Variants in FAAH2 observed in about 807,000 individuals in gnomAD.
The protein encoded by FAAH2 is fatty-acid amide hydrolase 2.
In FAAH2, 60 loss-of-function variants were observed where a neutral mutation model predicts 36.9. The ratio of observed to expected loss-of-function variants is 1.63; its 90% confidence interval spans 1.32 to 2.02. The LOEUF is 2.02. Ranked by LOEUF, FAAH2 falls within the 30% of genes most tolerant of loss-of-function variation. The pLI is 0.00. For missense variants in FAAH2, 689 were observed against 397.5 expected (o/e 1.73, Z -6.23); for synonymous variants, 214 against 143.8 (o/e 1.49, Z -3.49).
chrX:57,417,330 C>T (rs745861568), intron 7 of FAAH2, among the ~76,000 whole-genome samples: 1 of 112,095 alleles, frequency 8.9e-6, no homozygotes, highest in African/African-American at 3.2e-5. Flanking sequence ...AATTTTCAGG[C>T]TCTTTGTGCT....
chrX:57,162,342 G>A, the FAAH2 span, among the ~76,000 whole-genome samples: 3 of 110,923 alleles, frequency 2.7e-5, no homozygotes, highest in African/African-American at 9.8e-5. Context: ...ATGTTTCTTG[G>A]AGTTGCTCTT....
chrX:57,234,979 A>T, the FAAH2 span, among the ~76,000 whole-genome samples: 2 of 111,588 alleles, frequency 1.8e-5, no homozygotes, highest in African/African-American at 6.5e-5. Context: ...CGGAGGTTGC[A>T]GTGAGCCCAG....
intron 5 of FAAH2, among the ~76,000 whole-genome samples, chrX:57,369,567 C>A (rs1211350824): frequency 9.0e-6 from 1 of 111,613 alleles, no homozygotes; most frequent in Non-Finnish European, 1.9e-5. Flanking sequence ...GATGGTATAT[C>A]AAAGTGCTGG....
chrX:57,344,824 C>A (rs1382492274), intron 5 of FAAH2, among the ~76,000 whole-genome samples: 7 of 111,434 alleles, frequency 6.3e-5, no homozygotes, highest in Non-Finnish European at 1.3e-4. Flanking sequence ...AAGTCTCTTT[C>A]TGAATCTATT....
Position 57,448,528 on chromosome X carries a change from G to A in FAAH2, c.1233G>A (p.Leu411=), listed in dbSNP as rs768687139. 8.3e-7 allele frequency: 1 copy of A among 1,208,459 alleles called. No homozygotes were observed. Among genetic ancestry groups the A allele is most frequent in the Admixed American group, 2.2e-5 (1 of 45,585 alleles). Residue 411 remains leucine, a synonymous_variant, in exon 10 of 11, where the codon CTG becomes CTA. Transcript: ENST00000374900. ...LSVYTIPSIG[L]ALLEEKLRYS... ...ATATATGATATCATTCTGTAGGACT[G>A]GCTTTGTTGGAAGAAAAGCTCAGAT...
intron 2 of FAAH2, among the ~76,000 whole-genome samples, chrX:57,304,466 C>T (rs1202076176): frequency 8.9e-6 from 1 of 111,820 alleles, no homozygotes. Context: ...CCTTATTAGA[C>T]TAGATCTTCT....
At chrX:57,253,110 G>A in the FAAH2 span, among the ~76,000 whole-genome samples, 70 of 111,565 alleles carry the variant, frequency 6.3e-4, no homozygotes, top group Non-Finnish European at 1.0e-3. Flanking sequence ...ACTAGACTTC[G>A]TGAAGCATAC....
intron 3 of FAAH2, among the ~76,000 whole-genome samples, chrX:57,328,079 T>A (rs1439691280): frequency 1.8e-5 from 2 of 112,211 alleles, no homozygotes; most frequent in African/African-American, 3.2e-5. Context: ...CAGCTGCAGG[T>A]CTGTTGGAGT....
At chrX:57,419,597 C>A (rs1174499583) in intron 7 of FAAH2, among the ~76,000 whole-genome samples, 10 of 111,336 alleles carry the variant, frequency 9.0e-5, no homozygotes, top group African/African-American at 2.9e-4. Context: ...TGTTTGAGTT[C>A]ATTGTAGATT....
Position 57,292,568 on chromosome X carries a change from T to C in FAAH2, c.263T>C (p.Ile88Thr). The C allele has an allele frequency of 1.7e-6, 2 of 1,208,677 alleles. No homozygotes were observed. Among genetic ancestry groups the C allele is most frequent in the Non-Finnish European group, 2.2e-6 (2 of 893,363 alleles). Residue 88 changes from isoleucine (I) to threonine (T), a missense_variant, in exon 2 of 11, where the codon ATT (isoleucine) becomes ACT (threonine). By Grantham distance (89) the Ile-to-Thr change is moderately conservative. Coordinates refer to ENST00000374900, the MANE Select transcript of FAAH2 (RefSeq NM_174912.4). ...IKDVNPMING[I>T]VKYRFEEAMK... is the part of the protein sequence containing the mutation. ...GACGTGAACCCAATGATCAATGGAA[T>C]TGTCAAGTACAGGTGAGCATTTCCA...
chrX:57,140,417 C>CAAAAAAAAAAAAA, the FAAH2 span, among the ~76,000 whole-genome samples: 18 of 64,812 alleles, frequency 2.8e-4, no homozygotes, highest in African/African-American at 1.1e-3. Context: ...CCATCTCTAC[C>CAAAAAAAAAAAAA]AAAAAAAAAA....
intron 7 of FAAH2, among the ~76,000 whole-genome samples, chrX:57,419,390 G>A (rs867368518): frequency 3.5e-4 from 39 of 110,273 alleles, no homozygotes; most frequent in South Asian, 1.9e-3. Context: ...TTGTTTCCTG[G>A]CTTTTTAATG....
the FAAH2 span, among the ~76,000 whole-genome samples, chrX:57,215,628 T>C: frequency 2.7e-5 from 3 of 111,102 alleles, no homozygotes; most frequent in Admixed American, 2.9e-4. Flanking sequence ...TGGAATACTA[T>C]GCAGCCATAA....
the FAAH2 span, among the ~76,000 whole-genome samples, chrX:57,188,695 G>T: frequency 9.0e-6 from 1 of 110,741 alleles, no homozygotes; most frequent in Non-Finnish European, 1.9e-5. Flanking sequence ...GGCATTTAGT[G>T]CTATAAATTT....
chrX:57,402,942 T>A (rs2055474786), intron 7 of FAAH2, among the ~76,000 whole-genome samples: 1 of 112,115 alleles, frequency 8.9e-6, no homozygotes, highest in African/African-American at 3.2e-5. Flanking sequence ...GCTGCAGTTA[T>A]GGTGGCACTT....
At chrX:57,422,388 A>G (rs1320450117) in intron 7 of FAAH2, among the ~76,000 whole-genome samples, 1 of 112,172 alleles carries the variant, frequency 8.9e-6, no homozygotes, top group Non-Finnish European at 1.9e-5. Flanking sequence ...TTTCCTAGAT[A>G]GGAGCAGTTT....
intron 10 of FAAH2, among the ~76,000 whole-genome samples, chrX:57,471,907 G>A (rs1037833907): frequency 1.8e-5 from 2 of 111,039 alleles, no homozygotes; most frequent in African/African-American, 6.6e-5. Context: ...ACAGACCAAT[G>A]GAACAGAACA....
intron 10 of FAAH2, among the ~76,000 whole-genome samples, chrX:57,471,293 A>G (rs1409665369): frequency 8.9e-6 from 1 of 111,943 alleles, no homozygotes; most frequent in Non-Finnish European, 1.9e-5. Flanking sequence ...TTAGGAAAAG[A>G]GGAAGTCAAA....
the FAAH2 span, among the ~76,000 whole-genome samples, chrX:57,238,759 G>A: frequency 8.9e-6 from 1 of 111,894 alleles, no homozygotes; most frequent in Admixed American, 9.5e-5. Flanking sequence ...ATTGAGTATA[G>A]TACCTGATAT....
Sources: gnomAD v4.1 joint callset for allele counts (sites outside exome capture counted in the v4.1 genomes callset) on GRCh38, gnomAD v4.1.1 for gene constraint, MANE v1.5 for transcripts, NCBI Gene and HGNC (gene_info 2026-07-23, HGNC 2026-07-21) for gene names.